DNAH5: variants seen among roughly 807,000 people sequenced by gnomAD.
The protein encoded by DNAH5 is axonemal beta dynein heavy chain 5.
DNAH5 carries 372 observed loss-of-function variants against 518.2 expected under a neutral mutation model. The observed-to-expected ratio is 0.72, with a 90% CI of 0.66 to 0.78. DNAH5 has a LOEUF of 0.78. Ranked by LOEUF, DNAH5 falls within the 30% of genes least tolerant of loss-of-function variation. The pLI is 0.00. For synonymous variants in DNAH5, 2,039 were observed against 2,025.9 expected (o/e 1.01, Z -0.17); for missense variants, 5,523 against 5,687.0 (o/e 0.97, Z 0.93).
chr5:13,920,733 A>C (rs1049244759), intron 5 of DNAH5, 116 bp from the exon 6 acceptor site: 5 of 1,071,400 alleles, frequency 4.7e-6, no homozygotes, highest in Non-Finnish European at 7.1e-6. Context: ...CCCACCAGGT[A>C]GCACATACCT....
intron 1 of DNAH5, among the ~76,000 whole-genome samples, chr5:13,977,755 A>G (rs2152063524): frequency 6.6e-6 from 1 of 152,278 alleles, no homozygotes; most frequent in South Asian, 2.1e-4. Flanking sequence ...CTGTACCTGG[A>G]CACATCTGGA....
chr5:13,973,134 G>T (rs1781997829), intron 1 of DNAH5, among the ~76,000 whole-genome samples: 1 of 152,144 alleles, frequency 6.6e-6, no homozygotes, highest in African/African-American at 2.4e-5. Flanking sequence ...GACAGGAGAG[G>T]CAAGTTCAGA....
In DNAH5 at chr5:13,762,800, T is replaced by C. The variant is rs1412657006; in HGVS notation, c.10203A>G (p.Gly3401=). The change falls in exon 60 of 79, where the codon GGA becomes GGG. Residue 3401 remains glycine (G), a synonymous_variant. Coordinates refer to ENST00000265104, the MANE Select transcript of DNAH5 (RefSeq NM_001369.3). The part of the protein sequence containing the change: ...YNIETAKRVC[G]NVAGLCSWTK... ...TCCAGGAACAAAGACCAGCTACATT[T>C]CCACATACGCGTTTAGCAGTTTCGA... The C allele has an allele frequency of 6.2e-7, 1 of 1,614,052 alleles. No homozygotes were observed. The highest frequency in any genetic ancestry group is 1.3e-5 in the African/African-American group (1 of 74,934).
At position 13,981,970 on chromosome 5, in the gene DNAH5, G is replaced by A. The variant is rs554904844; in HGVS notation, c.12+29678C>T. On this transcript the variant is annotated intron_variant, in intron 1 of 78. Transcript: ENST00000681290. ...CTTTACATCCTTGTCAGCACGATTCGGTGAAATTAAACCAATAGGCTATAG... is the reference window on the plus strand; with the variant it reads ...CTTTACATCCTTGTCAGCACGATTCAGTGAAATTAAACCAATAGGCTATAG... Among the ~76,000 whole-genome samples the A allele has an allele frequency of 7.9e-5, 12 of 152,244 alleles. No homozygotes were observed. The South Asian group carries it at 2.1e-3, about 26-fold the overall frequency.
chr5:13,883,983 T>C (rs911567927), intron 19 of DNAH5, among the ~76,000 whole-genome samples: 2 of 152,156 alleles, frequency 1.3e-5, no homozygotes, highest in African/African-American at 2.4e-5. Context: ...ATTATTTCAG[T>C]TTTCATTAAT....
Position 13,890,985 on chromosome 5 carries a change from T to C in DNAH5, c.2568A>G (p.Gln856=). Residue 856 remains glutamine, a synonymous_variant, in exon 17 of 79, where the codon CAA becomes CAG. Transcript: ENST00000265104. ...EEPLTCEEFL[Q]MTKDLCVNGA... is the part of the protein sequence containing the mutation. ...TCAAGGTTTTAATGACCTTTGTCAT[T>C]TGGAGAAACTCTTCACAGGTTAGTG... 1 of 1,614,134 alleles carries C rather than the reference T, an allele frequency of 6.2e-7. No homozygotes were observed. Among genetic ancestry groups the C allele is most frequent in the Non-Finnish European group, 8.5e-7 (1 of 1,179,984 alleles).
chr5:13,885,103 C>A lies in DNAH5; in HGVS notation c.2869G>T (p.Glu957Ter). ...ETEMLGEEAR[E>*]LLSHFNHQNM... The stretch of plus-strand genomic sequence containing the variant: ...TGATGGTTGAAATGAGAGAGTAACT[C>A]GCGGGCTTCTTCCCCTAACATCTCA... Residue 957 changes from glutamate (E) to a stop codon, truncating the protein, a stop_gained, in exon 19 of 79, where the codon GAG becomes TAG. Transcript: ENST00000265104. LOFTEE classifies it high-confidence loss of function. 2 of 1,614,212 alleles carry A rather than the reference C, an allele frequency of 1.2e-6. No individual in the cohort carries two copies. Among genetic ancestry groups the A allele is most frequent in the Non-Finnish European group, 1.7e-6 (2 of 1,180,036 alleles).
intron 55 of DNAH5, among the ~76,000 whole-genome samples, chr5:13,772,338 T>C (rs1753461048): frequency 6.6e-6 from 1 of 152,254 alleles, no homozygotes; most frequent in Non-Finnish European, 1.5e-5. Context: ...ATGGTGACCT[T>C]ATTCTTTACG....
At chr5:13,984,485 T>C (rs1186889882) in intron 1 of DNAH5, among the ~76,000 whole-genome samples, 1 of 152,192 alleles carries the variant, frequency 6.6e-6, no homozygotes, top group Non-Finnish European at 1.5e-5. Flanking sequence ...CAGGGACAAT[T>C]TGACTTCCTC....
At chr5:13,809,242 TA>T (rs1760204419) in intron 45 of DNAH5, 56 bp from the exon 46 acceptor site, 30 of 1,596,722 alleles carry the variant, frequency 1.9e-5, no homozygotes, top group Non-Finnish European at 2.5e-5. Flanking sequence ...CTCCGAACTG[TA>T]ATGAGCAGAC....
At chr5:13,902,200 G>T in intron 12 of DNAH5, 62 bp from the exon 13 acceptor site, 1 of 1,219,106 alleles carries the variant, frequency 8.2e-7, no homozygotes, top group Non-Finnish European at 1.2e-6. Flanking sequence ...TTAGCAACAA[G>T]ATAAAAGAGC....
In DNAH5 at chr5:13,692,129, C is replaced by T. The variant is rs759563638; in HGVS notation, c.13730G>A (p.Arg4577Gln). 21 of 1,613,760 alleles carry T rather than the reference C, an allele frequency of 1.3e-5. No individual in the cohort carries two copies. The highest frequency in any genetic ancestry group is 3.3e-5 in the South Asian group (3 of 91,078). Residue 4577 changes from arginine (R) to glutamine (Q), a missense_variant, in exon 79 of 79, where the codon CGA becomes CAA. Arg to Gln is a conservative substitution (Grantham distance 43). Coordinates refer to ENST00000265104, the MANE Select transcript of DNAH5 (RefSeq NM_001369.3). ...IRIYAENNTL[R>Q]DPRFYSCPIY... is the part of the protein sequence containing the mutation. ...GGGACAGGAGTAAAACCGAGGATCT[C>T]GTAAAGCTACAAAAAACATAAAAGA...
chr5:13,957,219 G>A (rs1659403395), intron 1 of DNAH5, among the ~76,000 whole-genome samples: 1 of 152,186 alleles, frequency 6.6e-6, no homozygotes, highest in Non-Finnish European at 1.5e-5. Context: ...ACTACAGAAG[G>A]AGAGACTCTG....
intron 65 of DNAH5, among the ~76,000 whole-genome samples, chr5:13,750,671 A>T (rs867362606): frequency 2.0e-5 from 3 of 152,222 alleles, no homozygotes; most frequent in Non-Finnish European, 4.4e-5. Context: ...TTCTAAAAGC[A>T]TAATAATGAA....
At chr5:13,898,581 TATGAGACCTTTGCTA>T (rs1348023133) in intron 15 of DNAH5, 3 of 398,484 alleles carry the variant, frequency 7.5e-6, no homozygotes, top group Non-Finnish European at 1.3e-5. Flanking sequence ...ACTTTGTAGC[TATGAGACCTTTGCTA>T]AATCTTTTAA....
At chr5:13,768,037 T>A (rs529904551) in intron 58 of DNAH5, among the ~76,000 whole-genome samples, 1 of 152,316 alleles carries the variant, frequency 6.6e-6, no homozygotes, top group Admixed American at 6.5e-5. Context: ...GCCTTTAAGG[T>A]GTGGCCTAGT....
In DNAH5 at chr5:13,870,934, T is replaced by C. The variant is rs1209049233; in HGVS notation, c.3667A>G (p.Lys1223Glu). ...TTTTCCATCTCACTCCGGTATTTTT[T>C]GTTACAGTGGCGTCCAATGACAACC... Reference protein sequence around the residue: ...WMVVIGRHCNKKYRSEMENIF... With the variant: ...WMVVIGRHCNEKYRSEMENIF... Residue 1223 changes from lysine to glutamate, a missense_variant, in exon 24 of 79, where the codon AAA becomes GAA. By Grantham distance (56) the Lys-to-Glu change is moderately conservative (BLOSUM62 1). Around this residue, in one of 3 missense-constraint regions of DNAH5, gnomAD observed 5,121 missense variants for 5,223.3 expected, o/e 0.98. Transcript: ENST00000265104. The C allele has an allele frequency of 1.2e-6, 2 of 1,613,888 alleles. No homozygotes were observed. The highest frequency in any genetic ancestry group is 1.7e-6 in the Non-Finnish European group (2 of 1,179,840).
chr5:13,707,404 G>A lies in DNAH5; in HGVS notation c.13338+719C>T, dbSNP rs374112212. Among the ~76,000 whole-genome samples the A allele has an allele frequency of 1.3e-4, 20 of 152,188 alleles. No homozygotes were observed. Among genetic ancestry groups the A allele is most frequent in the South Asian group, 4.1e-4 (2 of 4,830 alleles). ...GAAACAGAAAGCCCTCTGTCCTTGC[G>A]ATAAAGAGGGTCTAATTGAGCTGAT... is the stretch of plus-strand genomic sequence containing the variant. On this transcript the variant is annotated intron_variant, in intron 76 of 78. Coordinates refer to ENST00000265104, the MANE Select transcript of DNAH5 (RefSeq NM_001369.3). The surrounding 1 kb of genome is among the most constrained non-coding windows in gnomAD (Gnocchi z 4.0).
At chr5:13,889,407 A>C (rs1772881880) in intron 17 of DNAH5, among the ~76,000 whole-genome samples, 1 of 152,158 alleles carries the variant, frequency 6.6e-6, no homozygotes, top group African/African-American at 2.4e-5. Context: ...GTATAAAATG[A>C]CTTAATATAA....
Sources: gnomAD v4.1 joint callset for allele counts (sites outside exome capture counted in the v4.1 genomes callset) on GRCh38, gnomAD v4.1.1 for gene constraint, gnomAD v4.1.1 regional missense constraint, Gnocchi (gnomAD v3.1) non-coding constraint, MANE v1.5 for transcripts, NCBI Gene and HGNC (gene_info 2026-07-23, HGNC 2026-07-21) for gene names.